The following SHOC2 variants were observed in gnomAD, a reference collection of about 807,000 sequenced individuals.
SHOC2 encodes the protein leucine-rich repeat protein SHOC-2.
SHOC2 carries 4 observed loss-of-function variants against 50.2 expected under a neutral mutation model. The observed-to-expected ratio is 0.08, with a 90% CI of 0.04 to 0.18. The LOEUF (loss-of-function observed/expected upper bound fraction) is 0.18, where lower values mean the gene tolerates loss of function less well. SHOC2 is among the 10% of genes least tolerant of loss of function. SHOC2 has a pLI of 1.00. For missense variants in SHOC2, 388 were observed against 669.6 expected, an observed-to-expected ratio of 0.58 and a Z score of 4.64; for synonymous variants, 218 against 244.5, an observed-to-expected ratio of 0.89 and a Z score of 1.01.
chr10:110,945,512 T>G (rs1389109605), intron 1 of SHOC2, among the ~76,000 whole-genome samples: 1 of 152,214 alleles, frequency 6.6e-6, no homozygotes, highest in African/African-American at 2.4e-5. Context: ...TTTTTATTAA[T>G]TTTTAGAGTT....
rs7918544 is a variant in SHOC2, at chr10:110,998,380, T to A, written c.842-2035T>A. Among the ~76,000 whole-genome samples, 291 of 147,940 alleles carry A rather than the reference T, an allele frequency of 2.0e-3. 1 individual carries two copies. The highest frequency in any genetic ancestry group is 6.1e-3 in the African/African-American group (247 of 40,722). ...TCTGGGGCTTTGGAAAGTCACTCAA[T>A]TTTTTTTTTTCTCCTGAGGAATTGA... is the stretch of plus-strand genomic sequence containing the variant. On this transcript the variant is annotated intron_variant, in intron 3 of 8. Coordinates refer to ENST00000369452, the MANE Select transcript of SHOC2 (RefSeq NM_007373.4).
At chr10:110,919,600 G>C (rs1846562672), upstream of SHOC2, 1 of 397,790 alleles carries the variant, frequency 2.5e-6, no homozygotes, top group Non-Finnish European at 4.4e-6. Flanking sequence ...CTTAGGAGGA[G>C]GAGGAAGAGG....
At position 111,000,556 on chromosome 10, in the gene SHOC2, G is replaced by A. The variant is rs201644470; in HGVS notation, c.972+11G>A. 6.2e-7 allele frequency: 1 copy of A among 1,606,664 alleles called. No homozygotes were observed. The highest frequency in any genetic ancestry group is 8.5e-7 in the Non-Finnish European group (1 of 1,174,708). On this transcript the variant is annotated intron_variant, in intron 4 of 8. Coordinates refer to ENST00000369452, the MANE Select transcript of SHOC2 (RefSeq NM_007373.4). ...TCTACTTTACCAGAGGTAAGAAGTG[G>A]ATTAGAGAAAACAAGATTTGAAATG...
chr10:110,979,671 A>G (rs1847937822), intron 2 of SHOC2, among the ~76,000 whole-genome samples: 1 of 152,208 alleles, frequency 6.6e-6, no homozygotes, highest in African/African-American at 2.4e-5. Flanking sequence ...TCTTAGGACA[A>G]AAATGTTCTA....
intron 1 of SHOC2, among the ~76,000 whole-genome samples, chr10:110,922,147 G>A (rs1846665515): frequency 6.6e-6 from 1 of 152,036 alleles, no homozygotes; most frequent in African/African-American, 2.4e-5. Context: ...CACACTTGCT[G>A]GAATTACGCC....
rs12762659 is a variant in SHOC2 at position 110,970,667 on chromosome 10, G to A, written c.703+5606G>A. Among the ~76,000 whole-genome samples the A allele has an allele frequency of 6.3e-3, 947 of 150,344 alleles. 5 individuals are homozygous for A. Among genetic ancestry groups the A allele is most frequent in the Middle Eastern group, 0.014 (4 of 284 alleles). On this transcript the variant is annotated intron_variant, in intron 2 of 8. Coordinates refer to ENST00000369452, the MANE Select transcript of SHOC2 (RefSeq NM_007373.4). ...GTACACCCACCAACAGTGTATGAGAGTTCTTCTTTTTCTGCATTCTCACCA... is the reference window on the plus strand; with the variant it reads ...GTACACCCACCAACAGTGTATGAGAATTCTTCTTTTTCTGCATTCTCACCA...
At position 110,964,352 on chromosome 10, in the gene SHOC2, A is replaced by G. The variant is rs1385226777; in HGVS notation, c.-7A>G. On this transcript the variant is annotated 5_prime_UTR_variant, in exon 2 of 9. Coordinates refer to ENST00000369452, the MANE Select transcript of SHOC2 (RefSeq NM_007373.4). The surrounding 1 kb of genome is among the most constrained non-coding windows in gnomAD (Gnocchi z 4.9). Reference sequence around the variant, plus strand: ...TTCATGTAGTTTTTGTCCAGGCTTGAGTCACCATGAGTAGTAGTTTAGGAA... The same window carrying G: ...TTCATGTAGTTTTTGTCCAGGCTTGGGTCACCATGAGTAGTAGTTTAGGAA... 1 of 1,612,790 alleles carries G rather than the reference A, an allele frequency of 6.2e-7. No homozygotes were observed. The highest frequency in any genetic ancestry group is 2.2e-5 in the East Asian group (1 of 44,860).
chr10:110,935,694 ATAGCCTCATCTT>A (rs1846993189), intron 1 of SHOC2, among the ~76,000 whole-genome samples: 1 of 152,162 alleles, frequency 6.6e-6, no homozygotes, highest in Non-Finnish European at 1.5e-5. Context: ...CATTATGGTT[ATAGCCTCATCTT>A]TTATAGCTAA....
At chr10:110,929,752 C>A (rs1374036739) in intron 1 of SHOC2, among the ~76,000 whole-genome samples, 1 of 152,182 alleles carries the variant, frequency 6.6e-6, no homozygotes, top group African/African-American at 2.4e-5. Flanking sequence ...AACCTAAGTA[C>A]CTCCCAAAGG....
At chr10:110,935,221 G>A (rs941705193) in intron 1 of SHOC2, among the ~76,000 whole-genome samples, 4 of 152,200 alleles carry the variant, frequency 2.6e-5, no homozygotes, top group Non-Finnish European at 5.9e-5. Flanking sequence ...AACGTGAGAA[G>A]TAGGTAAATA....
intron 2 of SHOC2, among the ~76,000 whole-genome samples, chr10:110,977,136 G>A (rs906037342): frequency 1.3e-5 from 2 of 151,974 alleles, no homozygotes; most frequent in African/African-American, 2.4e-5. Flanking sequence ...GGAGCTCATT[G>A]TTTAACAGCT....
intron 1 of SHOC2, chr10:110,919,935 T>G: frequency 4.6e-6 from 1 of 215,164 alleles, no homozygotes; most frequent in Non-Finnish European, 9.0e-6. Context: ...CGGTCGGGTG[T>G]GACAGCGGCC....
In SHOC2 at chr10:111,012,323, CTTTT is replaced by C. The variant is rs371679867; in HGVS notation, c.*506_*509del. 80 of 159,964 alleles carry C rather than the reference CTTTT, an allele frequency of 5.0e-4. 1 individual carries two copies. The East Asian group carries it at 0.014, about 28-fold the overall frequency. 9.9% of individuals were successfully genotyped at this position (159,964 alleles called of 1,614,324 possible). On this transcript the variant is annotated 3_prime_UTR_variant, in exon 9 of 9. Coordinates refer to ENST00000369452, the MANE Select transcript of SHOC2 (RefSeq NM_007373.4). ...ACAGTCAGAGTAAATCACTGGATTT[CTTTT>C]GTTTGTTTTGATTTGCTCTGTTTTA...
intron 1 of SHOC2, among the ~76,000 whole-genome samples, chr10:110,953,155 A>G (rs139489467): frequency 3.0e-4 from 46 of 152,282 alleles, no homozygotes; most frequent in South Asian, 1.9e-3. Context: ...GTCTTCCCCA[A>G]TGGTTGAACT....
chr10:110,992,072 T>G (rs1452280257), intron 3 of SHOC2, among the ~76,000 whole-genome samples: 1 of 152,194 alleles, frequency 6.6e-6, no homozygotes, highest in Non-Finnish European at 1.5e-5. Flanking sequence ...CTTTTCCTTT[T>G]TTTCTTTTTT....
chr10:110,963,531 C>G (rs72819757), intron 1 of SHOC2, among the ~76,000 whole-genome samples: 1 of 152,072 alleles, frequency 6.6e-6, no homozygotes, highest in Non-Finnish European at 1.5e-5. Flanking sequence ...ACTGCTCTCT[C>G]TTCTATCGTC....
At chr10:110,975,530 T>C (rs186221445) in intron 2 of SHOC2, among the ~76,000 whole-genome samples, 3 of 152,378 alleles carry the variant, frequency 2.0e-5, no homozygotes, top group Admixed American at 6.5e-5. Context: ...TCCTTTTCTT[T>C]CATGGCTTTG....
In SHOC2 at chr10:110,968,646, A is replaced by G. The variant is rs151080401; in HGVS notation, c.703+3585A>G. Among the ~76,000 whole-genome samples, 4 of 152,028 alleles carry G rather than the reference A, an allele frequency of 2.6e-5. No homozygotes were observed. The East Asian group carries it at 5.8e-4, about 22-fold the overall frequency. On this transcript the variant is annotated intron_variant, in intron 2 of 8. Coordinates refer to ENST00000369452, the MANE Select transcript of SHOC2 (RefSeq NM_007373.4). ...TTATTCAGCAGTATATTTGAGGAAT[A>G]TAAGTTTTTAGCTGGGCACTGTGAC... is the stretch of plus-strand genomic sequence containing the variant.
intron 2 of SHOC2, among the ~76,000 whole-genome samples, chr10:110,983,744 G>T (rs1317254534): frequency 6.6e-6 from 1 of 151,948 alleles, no homozygotes; most frequent in East Asian, 1.9e-4. Flanking sequence ...ACTATTCCAG[G>T]TACCTCATAT....
Sources: allele counts gnomAD v4.1 joint callset (sites outside exome capture counted in the v4.1 genomes callset), GRCh38; gene constraint gnomAD v4.1.1; non-coding constraint Gnocchi (gnomAD v3.1); transcripts MANE v1.5; gene names NCBI Gene and HGNC (gene_info 2026-07-23, HGNC 2026-07-21).